Variants in IL1RAPL1 observed in about 807,000 individuals in gnomAD.
IL1RAPL1 encodes interleukin-1 receptor accessory protein-like 1.
IL1RAPL1 carries 3 observed loss-of-function variants against 48.4 expected under a neutral mutation model. That is an observed-to-expected ratio of 0.06 (90% confidence interval 0.03 to 0.16). The LOEUF (loss-of-function observed/expected upper bound fraction) is 0.16, where lower values mean the gene tolerates loss of function less well. IL1RAPL1 is among the 10% of genes least tolerant of loss of function. The pLI is 1.00. For synonymous variants in IL1RAPL1, 185 were observed against 187.7 expected, an observed-to-expected ratio of 0.99 and a Z score of 0.12; for missense variants, 349 against 530.6, an observed-to-expected ratio of 0.66 and a Z score of 3.36.
At chrX:29,823,048 G>A (rs1475953663) in intron 6 of IL1RAPL1, among the ~76,000 whole-genome samples, 1 of 112,150 alleles carries the variant, frequency 8.9e-6, no homozygotes, top group Non-Finnish European at 1.9e-5. Flanking sequence ...AGTCTCCAAT[G>A]TAAAGGAAAT....
At chrX:29,467,198 A>G (rs1007265003) in intron 5 of IL1RAPL1, among the ~76,000 whole-genome samples, 1 of 112,219 alleles carries the variant, frequency 8.9e-6, no homozygotes, top group African/African-American at 3.2e-5. Context: ...CACACTGCCT[A>G]GGTATATAAT....
chrX:29,323,985 G>T (rs1377759289), intron 3 of IL1RAPL1, among the ~76,000 whole-genome samples: 2 of 104,496 alleles, frequency 1.9e-5, no homozygotes, highest in Non-Finnish European at 3.9e-5. Context: ...CAAATATTTT[G>T]TACCTCTTGT....
chrX:28,630,033 G>A (rs1004504445), intron 1 of IL1RAPL1, among the ~76,000 whole-genome samples: 7 of 111,313 alleles, frequency 6.3e-5, no homozygotes, highest in Admixed American at 4.8e-4. Context: ...GGAAATTATT[G>A]TCATAGCGGG....
chrX:29,494,497 A>G (rs1424698869), intron 5 of IL1RAPL1, among the ~76,000 whole-genome samples: 1 of 111,878 alleles, frequency 8.9e-6, no homozygotes, highest in African/African-American at 3.3e-5. Context: ...TCCTTTGTAT[A>G]TAGTTGCCTT....
intron 2 of IL1RAPL1, among the ~76,000 whole-genome samples, chrX:29,205,745 T>C (rs755516213): frequency 9.1e-6 from 1 of 109,349 alleles, no homozygotes; most frequent in Non-Finnish European, 1.9e-5. Context: ...ATTATTATTA[T>C]TTTTTTTGAG....
At chrX:29,090,241 T>C (rs764866789) in intron 2 of IL1RAPL1, among the ~76,000 whole-genome samples, 2 of 111,751 alleles carry the variant, frequency 1.8e-5, no homozygotes, top group East Asian at 5.6e-4. Context: ...AACTTAAAAA[T>C]AGGGAAATAT....
intron 1 of IL1RAPL1, among the ~76,000 whole-genome samples, chrX:28,703,574 C>T (rs1025230516): frequency 9.0e-6 from 1 of 111,170 alleles, no homozygotes; most frequent in Non-Finnish European, 1.9e-5. Flanking sequence ...TAAAGAATAT[C>T]TGATTTTTAA....
intron 1 of IL1RAPL1, among the ~76,000 whole-genome samples, chrX:28,744,397 C>T (rs972372703): frequency 5.4e-5 from 6 of 111,422 alleles, no homozygotes; most frequent in Admixed American, 9.6e-5. Flanking sequence ...TGAAGCTCAG[C>T]GACATTAGGT....
At chrX:29,183,187 C>T (rs758133965) in intron 2 of IL1RAPL1, among the ~76,000 whole-genome samples, 2 of 111,350 alleles carry the variant, frequency 1.8e-5, no homozygotes, top group Non-Finnish European at 3.8e-5. Flanking sequence ...ATGAATGTGA[C>T]GTCAAAAAAA....
At chrX:29,055,326 A>G (rs1475373836) in intron 2 of IL1RAPL1, among the ~76,000 whole-genome samples, 5 of 111,663 alleles carry the variant, frequency 4.5e-5, no homozygotes, top group Non-Finnish European at 7.5e-5. Context: ...ATAAGAGCCT[A>G]TAATTCTATC....
At chrX:28,618,242 T>C (rs745932762) in intron 1 of IL1RAPL1, among the ~76,000 whole-genome samples, 2 of 112,407 alleles carry the variant, frequency 1.8e-5, no homozygotes, top group Admixed American at 1.9e-4. Flanking sequence ...GATAGTTACA[T>C]CTTACTTGTT....
At chrX:29,574,210 A>C (rs1922696233) in intron 5 of IL1RAPL1, 1 of 109,361 alleles carries the variant, frequency 9.1e-6, no homozygotes, top group Non-Finnish European at 1.9e-5. Context: ...GGTGCTACAC[A>C]ACCAGATCTC....
At chrX:28,646,072 G>A (rs1241826864) in intron 1 of IL1RAPL1, among the ~76,000 whole-genome samples, 1 of 111,939 alleles carries the variant, frequency 8.9e-6, no homozygotes, top group Non-Finnish European at 1.9e-5. Flanking sequence ...TAGACCAGTG[G>A]TCCCCAACCT....
intron 2 of IL1RAPL1, among the ~76,000 whole-genome samples, chrX:28,903,451 C>T (rs1259203066): frequency 9.6e-6 from 1 of 103,779 alleles, no homozygotes; most frequent in Non-Finnish European, 2.0e-5. Context: ...GTTTTGATCA[C>T]AGGCATGAGC....
intron 2 of IL1RAPL1, among the ~76,000 whole-genome samples, chrX:28,972,582 C>T (rs1925107879): frequency 9.1e-6 from 1 of 109,733 alleles, no homozygotes; most frequent in Non-Finnish European, 1.9e-5. Flanking sequence ...ACTAAAAATA[C>T]AAAAAAATTA....
At chrX:28,796,455 C>T (rs571852542) in intron 2 of IL1RAPL1, among the ~76,000 whole-genome samples, 4 of 111,980 alleles carry the variant, frequency 3.6e-5, no homozygotes, top group African/African-American at 1.3e-4. Context: ...AATGGGGGTA[C>T]AAGCATTGGG....
chrX:29,802,518 A>G (rs1053474460), intron 6 of IL1RAPL1, among the ~76,000 whole-genome samples: 1 of 108,259 alleles, frequency 9.2e-6, no homozygotes, highest in Non-Finnish European at 1.9e-5. Context: ...CAAAAATACA[A>G]GCCAGGGCTT....
At chrX:29,323,751 ATATATATATATATAT>A in intron 3 of IL1RAPL1, among the ~76,000 whole-genome samples, 1 of 32,515 alleles carries the variant, frequency 3.1e-5, no homozygotes, top group African/African-American at 1.8e-4. Flanking sequence ...ATATATATAT[ATATATATATATATAT>A]ATATATATAT....
chrX:29,514,605 C>T (rs944164201), intron 5 of IL1RAPL1, among the ~76,000 whole-genome samples: 3 of 111,776 alleles, frequency 2.7e-5, no homozygotes, highest in Non-Finnish European at 3.8e-5. Context: ...CGCACCACCA[C>T]GCCCGGCTAA....
Sources: gnomAD v4.1 joint callset for allele counts (sites outside exome capture counted in the v4.1 genomes callset) on GRCh38, gnomAD v4.1.1 for gene constraint, MANE v1.5 for transcripts, NCBI Gene and HGNC (gene_info 2026-07-23, HGNC 2026-07-21) for gene names.